Variants in WNT7B observed in about 807,000 individuals in gnomAD.
WNT7B encodes the protein Wnt family member 7B.
WNT7B carries 19 observed loss-of-function variants against 38.2 expected under a neutral mutation model. The observed-to-expected ratio is 0.50, with a 90% CI of 0.35 to 0.73. The LOEUF is 0.73. Ranked by LOEUF, WNT7B falls within the 30% of genes least tolerant of loss-of-function variation. The probability of loss-of-function intolerance (pLI) is 0.01; values close to 1 mark genes in which losing one functional copy is unlikely to be tolerated. For synonymous variants in WNT7B, 243 were observed against 209.3 expected, an observed-to-expected ratio of 1.16 and a Z score of -1.39; for missense variants, 423 against 507.9, an observed-to-expected ratio of 0.83 and a Z score of 1.61.
rs1195664129 is a variant in WNT7B at position 45,976,696 on chromosome 22, T to A, written c.59A>T (p.Tyr20Phe). The A allele has an allele frequency of 5.0e-6, 8 of 1,609,104 alleles. No homozygotes were observed. Among genetic ancestry groups the A allele is most frequent in the Non-Finnish European group, 6.8e-6 (8 of 1,177,286 alleles). ...FYVFLCFGVL[Y>F]VKLGALSSVV... ...ACGGGGTACTCACCCGAGCTTCACG[T>A]ACAGGACGCCAAAGCAGAGAAACAC... The change falls in exon 1 of 4, where the codon TAC (tyrosine) becomes TTC (phenylalanine). Residue 20 changes from tyrosine (Y) to phenylalanine (F), a missense_variant. By Grantham distance (22) the Tyr-to-Phe change is conservative (BLOSUM62 3). This residue lies in a region of WNT7B where 133 missense variants were observed against 179.8 expected (regional missense o/e 0.74). Coordinates refer to ENST00000339464, the MANE Select transcript of WNT7B (RefSeq NM_058238.3). The surrounding 1 kb of genome is among the most constrained non-coding windows in gnomAD (Gnocchi z 8.5).
chr22:45,953,045 G>GGTGAAAGCCCCACTGTGCTCAAGCTCCTA (rs1569120460), intron 1 of WNT7B, among the ~76,000 whole-genome samples: 12 of 151,692 alleles, frequency 7.9e-5, no homozygotes, highest in African/African-American at 2.4e-5. Flanking sequence ...TCAAGCTCCT[G>GGTGAAAGCCCCACTGTGCTCAAGCTCCTA]ATTCCCTGGC....
chr22:45,972,245 C>T, intron 1 of WNT7B: 1 of 640,816 alleles, frequency 1.6e-6, no homozygotes. Flanking sequence ...CATGGTGGGC[C>T]GGCGTGCCTG....
chr22:45,972,060 G>T, intron 1 of WNT7B: 1 of 504,244 alleles, frequency 2.0e-6, no homozygotes, highest in Non-Finnish European at 3.5e-6. Flanking sequence ...CCCGCCCAGG[G>T]GCCTCGCTGC....
intron 1 of WNT7B, among the ~76,000 whole-genome samples, chr22:45,954,457 C>T (rs749012436): frequency 4.6e-5 from 7 of 152,316 alleles, no homozygotes; most frequent in Admixed American, 6.5e-5. Flanking sequence ...TATCTATACA[C>T]GGGACTTCTG....
rs574753554 is a variant in WNT7B, at chr22:45,942,901, G to A, written c.298+7019C>T. On this transcript the variant is annotated intron_variant, in intron 2 of 3. Coordinates refer to ENST00000339464, the MANE Select transcript of WNT7B (RefSeq NM_058238.3). ...TGTGCATGTATGTGCGTGTGTGTGCGCGCGTGTGTGCAGTGTGCACGTGTG... is the reference window on the plus strand; with the variant it reads ...TGTGCATGTATGTGCGTGTGTGTGCACGCGTGTGTGCAGTGTGCACGTGTG... 1.9e-4 allele frequency among the ~76,000 whole-genome samples: 29 copies of A among 151,584 alleles called. 1 individual carries two copies. The highest frequency in any genetic ancestry group is 6.3e-4 in the South Asian group (3 of 4,786).
In WNT7B at chr22:45,950,026, C is replaced by T. The variant is rs772605675; in HGVS notation, c.192G>A (p.Glu64=). ...ACTCGTTGATGCCCATCTGCGCCCCCTCCCCAATCACAATGATGGCATCGG... is the reference window on the plus strand; with the variant it reads ...ACTCGTTGATGCCCATCTGCGCCCCTTCCCCAATCACAATGATGGCATCGG... The part of the protein sequence containing the change: ...SRPDAIIVIG[E]GAQMGINECQ... The change falls in exon 2 of 4, where the codon GAG becomes GAA. Residue 64 remains glutamate (E), a synonymous_variant. Transcript: ENST00000339464. 6.2e-7 allele frequency: 1 copy of T among 1,613,936 alleles called. No individual in the cohort carries two copies. Among genetic ancestry groups the T allele is most frequent in the Non-Finnish European group, 8.5e-7 (1 of 1,180,052 alleles).
At chr22:45,953,901 C>G (rs939528301) in intron 1 of WNT7B, among the ~76,000 whole-genome samples, 1 of 152,138 alleles carries the variant, frequency 6.6e-6, no homozygotes, top group Non-Finnish European at 1.5e-5. Context: ...GGATTCCACC[C>G]CTTGGCATAG....
intron 1 of WNT7B, among the ~76,000 whole-genome samples, chr22:45,956,388 G>A (rs1932061451): frequency 6.6e-6 from 1 of 152,182 alleles, no homozygotes; most frequent in Non-Finnish European, 1.5e-5. Context: ...TCATTCACTA[G>A]ACACACAATC....
rs1932321830 is a variant in WNT7B, at chr22:45,966,771, C to T, written c.71+9913G>A. Among the ~76,000 whole-genome samples the T allele has an allele frequency of 6.6e-6, 1 of 152,226 alleles. No individual in the cohort carries two copies. The highest frequency in any genetic ancestry group is 2.4e-5 in the African/African-American group (1 of 41,464). ...TGGGGATGGAGGAAGTGTCGATGGC[C>T]CTGTGCCAAGCCTCACTTGCCACTC... is the stretch of plus-strand genomic sequence containing the variant. On this transcript the variant is annotated intron_variant, in intron 1 of 3. Transcript: ENST00000339464. This position sits in a 1 kb window ranked among gnomAD's most constrained non-coding sequence, Gnocchi z 4.2.
Position 45,957,892 on chromosome 22 carries a change from G to A in WNT7B, c.72-7746C>T, listed in dbSNP as rs141727805. On this transcript the variant is annotated intron_variant, in intron 1 of 3. Transcript: ENST00000339464. Reference sequence around the variant, plus strand: ...GGCTGAGCCAGAATGCCCTGCCAGGGCTCCTCTGCCCCAGCCTGTGCCCAT... The same window carrying A: ...GGCTGAGCCAGAATGCCCTGCCAGGACTCCTCTGCCCCAGCCTGTGCCCAT... 6.0e-3 allele frequency among the ~76,000 whole-genome samples: 914 copies of A among 152,292 alleles called. 12 individuals are homozygous for A. Among genetic ancestry groups the A allele is most frequent in the African/African-American group, 0.021 (871 of 41,564 alleles).
Position 45,966,180 on chromosome 22 carries a change from C to A in WNT7B, c.71+10504G>T, listed in dbSNP as rs1427500956. Among the ~76,000 whole-genome samples the A allele has an allele frequency of 6.6e-6, 1 of 152,230 alleles. No individual in the cohort carries two copies. Among genetic ancestry groups the A allele is most frequent in the African/African-American group, 2.4e-5 (1 of 41,462 alleles). ...GAGGGCCTTCTGGGGGAAACTGAGT[C>A]CTCCAGAAGTGGGAATGCCTCATCC... is the stretch of plus-strand genomic sequence containing the variant. On this transcript the variant is annotated intron_variant, in intron 1 of 3. Coordinates refer to ENST00000339464, the MANE Select transcript of WNT7B (RefSeq NM_058238.3). This position sits in a 1 kb window ranked among gnomAD's most constrained non-coding sequence, Gnocchi z 4.2.
In WNT7B at chr22:45,931,325, C is replaced by G. The variant is rs757647792; in HGVS notation, c.343G>C (p.Val115Leu). The stretch of plus-strand genomic sequence containing the variant: ...CAGGCAGCGGTGACGGCGTGCGCCA[C>G]GCCAGCCGCGGTGATGGCGTACGTG... ...AFTYAITAAG[V>L]AHAVTAACSQ... The change falls in exon 3 of 4, where the codon GTG (valine) becomes CTG (leucine). Residue 115 changes from valine to leucine, a missense_variant. Transcript: ENST00000339464. 6.3e-7 allele frequency: 1 copy of G among 1,596,396 alleles called. No homozygotes were observed. Among genetic ancestry groups the G allele is most frequent in the Non-Finnish European group, 8.5e-7 (1 of 1,178,522 alleles).
chr22:45,970,246 C>T (rs879836330), intron 1 of WNT7B, among the ~76,000 whole-genome samples: 69 of 152,294 alleles, frequency 4.5e-4, no homozygotes, highest in Non-Finnish European at 9.1e-4. Context: ...TTCCTGTCCC[C>T]GACGACCCAG....
intron 3 of WNT7B, among the ~76,000 whole-genome samples, chr22:45,930,868 A>G (rs1409774882): frequency 6.6e-6 from 1 of 152,172 alleles, no homozygotes; most frequent in East Asian, 1.9e-4. Flanking sequence ...GGCCGTGAGC[A>G]TCGCGTTGGC....
intron 3 of WNT7B, among the ~76,000 whole-genome samples, chr22:45,930,505 C>T (rs991384742): frequency 1.3e-5 from 2 of 152,206 alleles, no homozygotes; most frequent in Admixed American, 6.5e-5. Flanking sequence ...CTCCAGTGGG[C>T]GGGGCCCGGC....
chr22:45,943,439 A>G (rs898692587), intron 2 of WNT7B, among the ~76,000 whole-genome samples: 1 of 152,232 alleles, frequency 6.6e-6, no homozygotes, highest in African/African-American at 2.4e-5. Flanking sequence ...CCGAGTGGGA[A>G]GGACCTGGCC....
intron 3 of WNT7B, among the ~76,000 whole-genome samples, chr22:45,923,541 G>C (rs891373722): frequency 2.6e-5 from 4 of 152,224 alleles, no homozygotes; most frequent in Non-Finnish European, 5.9e-5. Context: ...TGCATAGGAG[G>C]TTGTGAGGGT....
At chr22:45,941,455 G>A (rs1931644756) in intron 2 of WNT7B, among the ~76,000 whole-genome samples, 1 of 151,038 alleles carries the variant, frequency 6.6e-6, no homozygotes, top group Admixed American at 6.6e-5. Context: ...AGGTTGCAGT[G>A]AGCTGAGATC....
At chr22:45,948,307 C>T (rs972488375) in intron 2 of WNT7B, among the ~76,000 whole-genome samples, 6 of 152,172 alleles carry the variant, frequency 3.9e-5, no homozygotes, top group African/African-American at 1.4e-4. Flanking sequence ...CCACAGCTGG[C>T]ACCTGGAGGG....
Sources: gnomAD v4.1 joint callset for allele counts (sites outside exome capture counted in the v4.1 genomes callset) on GRCh38, gnomAD v4.1.1 for gene constraint, gnomAD v4.1.1 regional missense constraint, Gnocchi (gnomAD v3.1) non-coding constraint, MANE v1.5 for transcripts, NCBI Gene and HGNC (gene_info 2026-07-23, HGNC 2026-07-21) for gene names.